The following LMO7 variants were observed in gnomAD, a reference collection of about 807,000 sequenced individuals.
LMO7 encodes LIM domain only protein 7.
Under a neutral mutation model 206.5 loss-of-function variants are expected in LMO7, and 120 were observed. The ratio of observed to expected loss-of-function variants is 0.58; its 90% confidence interval spans 0.50 to 0.68. LMO7 has a LOEUF of 0.68. Ranked by LOEUF, LMO7 falls within the 30% of genes least tolerant of loss-of-function variation. The pLI, the probability that LMO7 is intolerant of heterozygous loss-of-function variation, is 0.00. For synonymous variants in LMO7, 706 were observed against 681.5 expected (o/e 1.04, Z -0.56); for missense variants, 1,959 against 1,957.9 (o/e 1.00, Z -0.01).
chr13:75,727,561 C>T (rs919638628), intron 3 of LMO7, among the ~76,000 whole-genome samples: 1 of 151,954 alleles, frequency 6.6e-6, no homozygotes, highest in East Asian at 1.9e-4. Flanking sequence ...ATAATATGTA[C>T]TTATGTATAT....
intron 27 of LMO7, among the ~76,000 whole-genome samples, chr13:75,850,282 A>G (rs564730602): frequency 8.5e-5 from 13 of 152,340 alleles, no homozygotes; most frequent in African/African-American, 2.9e-4. Flanking sequence ...AATATTGACA[A>G]TTGTATATGG....
At chr13:75,826,829 G>A (rs1230095143) in intron 15 of LMO7, among the ~76,000 whole-genome samples, 4 of 152,152 alleles carry the variant, frequency 2.6e-5, no homozygotes, top group Non-Finnish European at 5.9e-5. Context: ...TTAGTATCAT[G>A]TTATGCTATC....
chr13:75,764,355 C>T (rs997728421), intron 4 of LMO7, among the ~76,000 whole-genome samples: 3 of 152,066 alleles, frequency 2.0e-5, no homozygotes, highest in Non-Finnish European at 2.9e-5. Flanking sequence ...ACAAAGAAAA[C>T]GTGGTGAAGT....
intron 1 of LMO7, among the ~76,000 whole-genome samples, chr13:75,648,262 T>C (rs1035867077): frequency 3.9e-5 from 6 of 152,202 alleles, no homozygotes; most frequent in Non-Finnish European, 7.3e-5. Context: ...TTGTTTTTTA[T>C]GATTGTTTCT....
rs183433509 is a variant in LMO7, at chr13:75,819,215, C to T, written c.2065-178C>T. 13 of 560,000 alleles carry T rather than the reference C, an allele frequency of 2.3e-5. No homozygotes were observed. In the East Asian group the frequency reaches 4.2e-4, roughly 18 times the overall value. The allele number at this position is 560,000 out of a possible 1,614,324, so 34.7% of individuals were successfully genotyped here. A position where few individuals can be genotyped will look rare whatever the true frequency, so the allele number is the denominator to read the frequency against. On this transcript the variant is annotated intron_variant, in intron 12 of 30. Coordinates refer to ENST00000377534, the MANE Select transcript of LMO7 (RefSeq NM_001306080.2). ...TTAGGTCAGGTTTTTGAGACAGACA[C>T]ATGAGATAAAGGCTTGGTACAGAAA...
chr13:75,622,202 C>T (rs569974690), intron 1 of LMO7: 3 of 162,558 alleles, frequency 1.8e-5, no homozygotes, highest in African/African-American at 7.1e-5. Flanking sequence ...CAGGCATTTT[C>T]AACCTGAACT....
Position 75,845,372 on chromosome 13 carries a change from T to C in LMO7, c.4143T>C (p.Asn1381=). ...CTGAACTGGATGATTACTCCACAAA[T>C]AAAAATGGTAAATGCGATATTTTCC... ...STTELDDYST[N]KNGNNKYLDQ... Residue 1381 remains asparagine, a synonymous_variant, in exon 26 of 31, where the codon AAT becomes AAC. Coordinates refer to ENST00000377534, the MANE Select transcript of LMO7 (RefSeq NM_001306080.2). 1 of 1,579,870 alleles carries C rather than the reference T, an allele frequency of 6.3e-7. No homozygotes were observed. Among genetic ancestry groups the C allele is most frequent in the Non-Finnish European group, 8.7e-7 (1 of 1,152,008 alleles).
At chr13:75,637,330 C>T (rs557047636) in intron 1 of LMO7, among the ~76,000 whole-genome samples, 1 of 152,200 alleles carries the variant, frequency 6.6e-6, no homozygotes, top group East Asian at 1.9e-4. Context: ...TTTGATGAGA[C>T]TGAGATCCTA....
At chr13:75,796,789 C>G in intron 6 of LMO7, 40 bp downstream of exon 6, 1 of 1,185,086 alleles carries the variant, frequency 8.4e-7, no homozygotes. Context: ...TGCTGTAATA[C>G]AGTATCACTG....
At chr13:75,757,546 C>A (rs1377650812) in intron 3 of LMO7, among the ~76,000 whole-genome samples, 1 of 152,142 alleles carries the variant, frequency 6.6e-6, no homozygotes, top group African/African-American at 2.4e-5. Flanking sequence ...TCATTAAGCT[C>A]TCTAAGTTAC....
rs1415572724 is a variant in LMO7 at position 75,856,554 on chromosome 13, G to A, written c.4819G>A (p.Val1607Ile). The A allele has an allele frequency of 1.2e-6, 2 of 1,612,892 alleles. No individual in the cohort carries two copies. Among genetic ancestry groups the A allele is most frequent in the Non-Finnish European group, 1.7e-6 (2 of 1,179,150 alleles). The change falls in exon 30 of 31, where the codon GTC becomes ATC. Residue 1607 changes from valine to isoleucine, a missense_variant. Val to Ile is a conservative substitution (Grantham distance 29). Coordinates refer to ENST00000377534, the MANE Select transcript of LMO7 (RefSeq NM_001306080.2). ...DLGGSSSGAE[V>I]RIRNHQLYCN... Reference sequence around the variant, plus strand: ...CGGAGGCTCTTCCTCAGGAGCTGAAGTCAGGATCAGAAACCACCAACTGTA... The same window carrying A: ...CGGAGGCTCTTCCTCAGGAGCTGAAATCAGGATCAGAAACCACCAACTGTA...
chr13:75,771,269 A>G (rs1467645844), intron 4 of LMO7, among the ~76,000 whole-genome samples: 4 of 152,116 alleles, frequency 2.6e-5, no homozygotes, highest in Non-Finnish European at 1.5e-5. Flanking sequence ...TATGTACCTT[A>G]GAATAGAAGA....
intron 2 of LMO7, chr13:75,631,314 A>G (rs1324195549): frequency 6.6e-6 from 1 of 152,230 alleles, no homozygotes; most frequent in East Asian, 1.9e-4. Flanking sequence ...GAGCCACCGC[A>G]ACTGGCCTCC....
intron 15 of LMO7, among the ~76,000 whole-genome samples, chr13:75,824,135 A>G (rs897860612): frequency 4.6e-5 from 7 of 152,122 alleles, no homozygotes; most frequent in Non-Finnish European, 8.8e-5. Context: ...TGTTTTCTCT[A>G]TATTCCATGT....
Position 75,625,483 on chromosome 13 carries a change from T to C in LMO7, c.225+2163T>C, listed in dbSNP as rs76511061. Among the ~76,000 whole-genome samples the C allele has an allele frequency of 3.0e-3, 458 of 151,732 alleles. 1 individual carries two copies. The highest frequency in any genetic ancestry group is 0.011 in the African/African-American group (435 of 41,364). ...TGTGCATGTGTGTGTGTGGTTTTGA[T>C]TCATATTAAAGTCTTAGGCAGGGCT... On this transcript the variant is annotated intron_variant, in intron 2 of 29. Coordinates refer to the LMO7 transcript ENST00000341547.
rs2044545647 is a variant in LMO7, at chr13:75,727,116, T to G, written c.210+18T>G. 6.9e-7 allele frequency: 1 copy of G among 1,455,154 alleles called. No individual in the cohort carries two copies. The highest frequency in any genetic ancestry group is 1.4e-5 in the African/African-American group (1 of 71,522). The allele number at this position is 1,455,154 out of a possible 1,614,324, so 90.1% of individuals were successfully genotyped here. A position where few individuals can be genotyped will look rare whatever the true frequency, so the allele number is the denominator to read the frequency against. ...CAGGATTGGTAAGTAGTAAATTATC[T>G]TCACAACTAAATTTATTTGTCTTTG... On this transcript the variant is annotated intron_variant, in intron 3 of 30. Coordinates refer to ENST00000377534, the MANE Select transcript of LMO7 (RefSeq NM_001306080.2).
intron 10 of LMO7, among the ~76,000 whole-genome samples, 165 bp from the exon 11 acceptor site, chr13:75,808,989 G>C (rs2055933261): frequency 6.6e-6 from 1 of 152,202 alleles, no homozygotes; most frequent in South Asian, 2.1e-4. Flanking sequence ...CCTGAGATAG[G>C]AAATTGATGA....
rs748803322 is a variant in LMO7, at chr13:75,805,753, G to C, written c.1189G>C (p.Gly397Arg). Residue 397 changes from glycine to arginine, a missense_variant, in exon 9 of 31, where the codon GGA becomes CGA. Gly to Arg is a moderately radical substitution (Grantham distance 125). Coordinates refer to ENST00000377534, the MANE Select transcript of LMO7 (RefSeq NM_001306080.2). Reference sequence around the variant, plus strand: ...TAAGCCATGGTATAAAGAATTTCAGGGATTCAGGTTTGTCGTTGTGCATGT... The same window carrying C: ...TAAGCCATGGTATAAAGAATTTCAGCGATTCAGGTTTGTCGTTGTGCATGT... ...TYKPWYKEFQ[G>R]FSQFLLLQAL... 2 of 1,613,306 alleles carry C rather than the reference G, an allele frequency of 1.2e-6. No homozygotes were observed. Among genetic ancestry groups the C allele is most frequent in the South Asian group, 2.2e-5 (2 of 91,046 alleles).
intron 1 of LMO7, among the ~76,000 whole-genome samples, chr13:75,674,146 T>A (rs1374751814): frequency 6.6e-6 from 1 of 152,220 alleles, no homozygotes; most frequent in Non-Finnish European, 1.5e-5. Flanking sequence ...TTGGAATATT[T>A]GTTTGCAAAT....
Sources: gnomAD v4.1 joint callset for allele counts (sites outside exome capture counted in the v4.1 genomes callset) on GRCh38, gnomAD v4.1.1 for gene constraint, MANE v1.5 for transcripts, NCBI Gene and HGNC (gene_info 2026-07-23, HGNC 2026-07-21) for gene names.